CLEC16A: variants seen among roughly 807,000 people sequenced by gnomAD.
CLEC16A encodes C-type lectin domain containing 16A.
CLEC16A carries 51 observed loss-of-function variants against 109.5 expected under a neutral mutation model. That is an observed-to-expected ratio of 0.47 (90% CI 0.37 to 0.59). The LOEUF is 0.59. Ranked by LOEUF, CLEC16A falls within the 20% of genes least tolerant of loss-of-function variation. The pLI, the probability that CLEC16A is intolerant of heterozygous loss-of-function variation, is 0.00. For missense variants in CLEC16A, 1,339 were observed against 1,394.0 expected (o/e 0.96, Z 0.63); for synonymous variants, 673 against 564.2 (o/e 1.19, Z -2.73).
In CLEC16A at chr16:11,149,325, G is replaced by T. The variant is rs528546776; in HGVS notation, c.2642-17063G>T. 5.3e-5 allele frequency among the ~76,000 whole-genome samples: 8 copies of T among 152,314 alleles called. No individual in the cohort carries two copies. In the East Asian group the frequency reaches 1.5e-3, roughly 29 times the overall value. On this transcript the variant is annotated intron_variant, in intron 22 of 23. Transcript: ENST00000409790. ...TATTAATTTTTGTGCATTAATACAT[G>T]AACGTAGAATATTATAAATGAAAAC...
intron 5 of CLEC16A, among the ~76,000 whole-genome samples, chr16:10,972,289 C>G (rs185680148): frequency 6.6e-6 from 1 of 152,224 alleles, no homozygotes; most frequent in African/African-American, 2.4e-5. Context: ...GGCCCGTGCT[C>G]CCAGGTCACA....
chr16:10,959,810 G>C (rs1274784370), intron 2 of CLEC16A, among the ~76,000 whole-genome samples: 2 of 151,364 alleles, frequency 1.3e-5, no homozygotes, highest in Admixed American at 6.6e-5. Flanking sequence ...ACAGGGTCTT[G>C]CTGTGTTGCC....
At chr16:11,118,784 T>C (rs1019699172) in intron 19 of CLEC16A, among the ~76,000 whole-genome samples, 1 of 152,190 alleles carries the variant, frequency 6.6e-6, no homozygotes, top group African/African-American at 2.4e-5. Context: ...TACATTTAAG[T>C]CTTTAATCTA....
At chr16:11,157,057 C>A (rs894570903) in intron 22 of CLEC16A, 10 of 1,302,122 alleles carry the variant, frequency 7.7e-6, no homozygotes, top group Non-Finnish European at 1.0e-5. Context: ...TACTGAAAGA[C>A]CATTTTTTCT....
intron 5 of CLEC16A, 119 bp from the exon 6 acceptor site, chr16:10,972,435 T>A: frequency 1.2e-6 from 1 of 847,692 alleles, no homozygotes; most frequent in Non-Finnish European, 2.0e-6. Flanking sequence ...TGCAGATGCC[T>A]CCCACCCTAG....
intron 13 of CLEC16A, among the ~76,000 whole-genome samples, chr16:11,039,546 A>G (rs1250771307): frequency 6.6e-6 from 1 of 152,162 alleles, no homozygotes; most frequent in African/African-American, 2.4e-5. Flanking sequence ...GCACTTGGGG[A>G]AGCCCAGGAG....
intron 19 of CLEC16A, among the ~76,000 whole-genome samples, chr16:11,076,190 A>G (rs16958021): frequency 0.13 from 19,240 of 152,040 alleles, 1,216 homozygotes; most frequent in African/African-American, 0.15. Flanking sequence ...CTGGCTTCCC[A>G]TTGTGGTGTC....
intron 19 of CLEC16A, among the ~76,000 whole-genome samples, chr16:11,109,450 A>G (rs2051434597): frequency 6.6e-6 from 1 of 152,164 alleles, no homozygotes; most frequent in Non-Finnish European, 1.5e-5. Context: ...CACCTCACTC[A>G]GCCCTGATAA....
At chr16:11,120,544 C>A in intron 19 of CLEC16A, 71 bp from the exon 20 acceptor site, 2 of 1,466,222 alleles carry the variant, frequency 1.4e-6, no homozygotes, top group Middle Eastern at 1.8e-4. Flanking sequence ...GAATGAGAGT[C>A]AGCTTTGGTG....
intron 22 of CLEC16A, among the ~76,000 whole-genome samples, chr16:11,162,622 C>T (rs1843046399): frequency 6.6e-6 from 1 of 152,180 alleles, no homozygotes; most frequent in Admixed American, 6.5e-5. Context: ...AGAGCGGAAA[C>T]ATATGGGACA....
At chr16:11,137,147 A>G (rs2053605248) in intron 22 of CLEC16A, among the ~76,000 whole-genome samples, 1 of 152,132 alleles carries the variant, frequency 6.6e-6, no homozygotes, top group Non-Finnish European at 1.5e-5. Context: ...GGAAAAGTCC[A>G]TAAAATCACC....
chr16:10,980,656 C>T (rs1025965545), intron 9 of CLEC16A, among the ~76,000 whole-genome samples: 1 of 152,082 alleles, frequency 6.6e-6, no homozygotes, highest in Non-Finnish European at 1.5e-5. Context: ...ACCAGTAGCC[C>T]ATGCACCCAA....
chr16:11,050,688 C>A (rs528043056), intron 17 of CLEC16A, among the ~76,000 whole-genome samples: 1 of 152,218 alleles, frequency 6.6e-6, no homozygotes, highest in Non-Finnish European at 1.5e-5. Flanking sequence ...AAGAGGCCGT[C>A]AGCTCTGGCC....
At chr16:11,120,894 T>C (rs934301122) in intron 20 of CLEC16A, 128 bp downstream of exon 20, 2 of 1,001,814 alleles carry the variant, frequency 2.0e-6, no homozygotes, top group Non-Finnish European at 2.6e-6. Context: ...ACAAGGTATA[T>C]GTGAACAAAT....
In CLEC16A at chr16:11,020,205, T is replaced by G. The variant is rs778029439; in HGVS notation, c.1316T>G (p.Val439Gly). 1 of 1,611,352 alleles carries G rather than the reference T, an allele frequency of 6.2e-7. No homozygotes were observed. Among genetic ancestry groups the G allele is most frequent in the South Asian group, 1.1e-5 (1 of 90,800 alleles). The stretch of plus-strand genomic sequence containing the variant: ...TTTTGGCTTCCAGAGATCGAGATGG[T>G]GATCATGGAGCGTAGCAAGCTCTCA... ...TSGESEEIEMVIMERSKLSEL... is the reference protein window; with the variant it reads ...TSGESEEIEMGIMERSKLSEL... Residue 439 changes from valine to glycine, a missense_variant, in exon 12 of 24, where the codon GTG becomes GGG. Transcript: ENST00000409790.
intron 2 of CLEC16A, 110 bp from the exon 3 acceptor site, chr16:10,962,345 C>T (rs2042288915): frequency 1.5e-6 from 2 of 1,354,766 alleles, no homozygotes; most frequent in African/African-American, 2.9e-5. Context: ...GTGCAGATAC[C>T]TTGGGGGAGA....
chr16:11,056,878 C>G (rs542931399), intron 18 of CLEC16A: 4 of 152,058 alleles, frequency 2.6e-5, no homozygotes, highest in African/African-American at 9.7e-5. Flanking sequence ...CTTTTTCTTT[C>G]TTTTCGTCGT....
rs952784410 is a variant in CLEC16A at position 11,178,167 on chromosome 16, G to T, written c.2807-168G>T. Among the ~76,000 whole-genome samples the T allele has an allele frequency of 6.6e-6, 1 of 152,186 alleles. No individual in the cohort carries two copies. The highest frequency in any genetic ancestry group is 6.5e-5 in the Admixed American group (1 of 15,272). ...GCCTAAGTCAGACTGGATTTTGCAG[G>T]TTCTGTGTCCCCAAAAGGAGTGAGT... On this transcript the variant is annotated intron_variant, in intron 23 of 23. Transcript: ENST00000409790. The surrounding 1 kb of genome is among the most constrained non-coding windows in gnomAD (Gnocchi z 6.5).
intron 18 of CLEC16A, 43 bp from the exon 19 acceptor site, chr16:11,060,857 ACT>A (rs746866987): frequency 2.0e-6 from 3 of 1,522,430 alleles, no homozygotes; most frequent in South Asian, 2.5e-5. Context: ...CACTGAAATG[ACT>A]CTGCAATCTC....
Sources: gnomAD v4.1 joint callset for allele counts (sites outside exome capture counted in the v4.1 genomes callset) on GRCh38, gnomAD v4.1.1 for gene constraint, Gnocchi (gnomAD v3.1) non-coding constraint, MANE v1.5 for transcripts, NCBI Gene and HGNC (gene_info 2026-07-23, HGNC 2026-07-21) for gene names.